RFC4: variants seen among roughly 807,000 people sequenced by gnomAD.
RFC4 encodes the protein A1 37 kDa subunit.
Under a neutral mutation model 47.6 loss-of-function variants are expected in RFC4, and 38 were observed. That is an observed-to-expected ratio of 0.80 (90% CI 0.62 to 1.05). The LOEUF is 1.05. RFC4 is among the 50% of genes least tolerant of loss of function. The pLI is 0.00. For synonymous variants in RFC4, 164 were observed against 150.0 expected, an observed-to-expected ratio of 1.09 and a Z score of -0.68; for missense variants, 489 against 434.0, an observed-to-expected ratio of 1.13 and a Z score of -1.13.
chr3:186,804,769 T>A, intron 1 of RFC4, 45 bp from the exon 2 acceptor site: 1 of 1,577,600 alleles, frequency 6.3e-7, no homozygotes. Flanking sequence ...ATTGAAACTT[T>A]TATTGCGAAT....
chr3:186,790,552 G>A, intron 8 of RFC4, 146 bp from the exon 9 acceptor site: 1 of 667,510 alleles, frequency 1.5e-6, no homozygotes, highest in Non-Finnish European at 2.7e-6. Flanking sequence ...AACGGAAAGG[G>A]CCAGAGTAAC....
chr3:186,801,915 C>T (rs1278455764), intron 2 of RFC4, among the ~76,000 whole-genome samples: 1 of 144,440 alleles, frequency 6.9e-6, no homozygotes, highest in Non-Finnish European at 1.5e-5. Flanking sequence ...GCCAGCTACT[C>T]GGGAGGCTGA....
At chr3:186,798,818 G>T (rs973848690) in intron 3 of RFC4, among the ~76,000 whole-genome samples, 1 of 152,038 alleles carries the variant, frequency 6.6e-6, no homozygotes, top group African/African-American at 2.4e-5. Context: ...TTGGTTTATT[G>T]TTATTTCACT....
rs185929054 is a variant in RFC4 at position 186,801,700 on chromosome 3, G to A, written c.132-505C>T. On this transcript the variant is annotated intron_variant, in intron 2 of 10. Transcript: ENST00000296273. ...CACTCCAGCCTGGGTGACAGAGGGA[G>A]ACTCTGTCTCAAAAAAAAAAAAAAA... is the stretch of plus-strand genomic sequence containing the variant. 3.5e-3 allele frequency among the ~76,000 whole-genome samples: 415 copies of A among 118,820 alleles called. 3 individuals carry two copies. The highest frequency in any genetic ancestry group is 0.013 in the African/African-American group (398 of 30,224). The allele number at this position is 118,820 out of a possible 152,430, so 78.0% of individuals were successfully genotyped here.
At position 186,796,062 on chromosome 3, in the gene RFC4, T is replaced by TA. The variant is rs1722238997; in HGVS notation, c.291-1286dup. 1.3e-5 allele frequency among the ~76,000 whole-genome samples: 2 copies of TA among 151,506 alleles called. No individual in the cohort carries two copies. The highest frequency in any genetic ancestry group is 2.9e-5 in the Non-Finnish European group (2 of 67,868). ...ACACACACACACACACACATTTAAA[T>TA]AAAAAACAAGAGTTGTGATTTAGTT... On this transcript the variant is annotated intron_variant, in intron 4 of 10. Transcript: ENST00000296273. This position sits in a 1 kb window ranked among gnomAD's most constrained non-coding sequence, Gnocchi z 4.2.
chr3:186,804,938 A>C (rs1722444778), intron 1 of RFC4: 3 of 400,468 alleles, frequency 7.5e-6, no homozygotes, highest in Non-Finnish European at 1.3e-5. Flanking sequence ...ACAAGAACAG[A>C]AAAGTGGTCA....
At chr3:186,805,221 T>TTTG (rs920636406) in intron 1 of RFC4, among the ~76,000 whole-genome samples, 1 of 152,062 alleles carries the variant, frequency 6.6e-6, no homozygotes, top group Admixed American at 6.6e-5. Flanking sequence ...AAGACCTTTT[T>TTTG]TTGTTGTTGT....
In RFC4 at chr3:186,793,061, G is replaced by T; in HGVS notation, c.411-114C>A. 3 of 879,970 alleles carry T rather than the reference G, an allele frequency of 3.4e-6. No homozygotes were observed. The highest frequency in any genetic ancestry group is 5.0e-6 in the Non-Finnish European group (3 of 598,678). The allele number at this position is 879,970 out of a possible 1,614,324, so 54.5% of individuals were successfully genotyped here. On this transcript the variant is annotated intron_variant, in intron 5 of 10. Coordinates refer to ENST00000296273, the MANE Select transcript of RFC4 (RefSeq NM_002916.5). This position sits in a 1 kb window ranked among gnomAD's most constrained non-coding sequence, Gnocchi z 4.2. ...ACCCATTTAAAATGTACAATTCAGT[G>T]TTTTTCTGTATGTTCACAAAGTTGT...
chr3:186,800,504 G>T (rs1376106364), intron 3 of RFC4, among the ~76,000 whole-genome samples: 1 of 152,166 alleles, frequency 6.6e-6, no homozygotes, highest in Non-Finnish European at 1.5e-5. Context: ...AGCTGTTAAA[G>T]CACTTTGGGC....
At chr3:186,804,266 G>C (rs981138574) in intron 2 of RFC4, among the ~76,000 whole-genome samples, 2 of 152,106 alleles carry the variant, frequency 1.3e-5, no homozygotes, top group Admixed American at 6.6e-5. Flanking sequence ...GATTTAAGTA[G>C]AACTCCTGAC....
chr3:186,800,678 G>C (rs534038311), intron 3 of RFC4, among the ~76,000 whole-genome samples: 10 of 152,162 alleles, frequency 6.6e-5, no homozygotes, highest in African/African-American at 2.2e-4. Context: ...TTGTATTATA[G>C]GTCAATCCAA....
At chr3:186,794,969 A>C (rs1190551966) in intron 4 of RFC4, 192 bp from the exon 5 acceptor site, 1 of 584,532 alleles carries the variant, frequency 1.7e-6, no homozygotes, top group East Asian at 3.0e-5. Context: ...CATGCATTTA[A>C]AAAAATGTAG....
At chr3:186,801,755 G>A (rs1173480017) in intron 2 of RFC4, among the ~76,000 whole-genome samples, 3 of 149,338 alleles carry the variant, frequency 2.0e-5, no homozygotes, top group Non-Finnish European at 4.4e-5. Context: ...GGCTGGGTGC[G>A]ATGGCTCACA....
At chr3:186,792,428 C>G in intron 7 of RFC4, 62 bp downstream of exon 7, 1 of 1,458,360 alleles carries the variant, frequency 6.9e-7, no homozygotes, top group African/African-American at 1.4e-5. Flanking sequence ...CTTTCAGGGC[C>G]TCTTTATATG....
chr3:186,796,129 T>C lies in RFC4; in HGVS notation c.291-1352A>G, dbSNP rs1022931013. Among the ~76,000 whole-genome samples, 9 of 152,138 alleles carry C rather than the reference T, an allele frequency of 5.9e-5. No individual in the cohort carries two copies. Among genetic ancestry groups the C allele is most frequent in the Non-Finnish European group, 1.3e-4 (9 of 68,022 alleles). On this transcript the variant is annotated intron_variant, in intron 4 of 10. Coordinates refer to ENST00000296273, the MANE Select transcript of RFC4 (RefSeq NM_002916.5). The surrounding 1 kb of genome is among the most constrained non-coding windows in gnomAD (Gnocchi z 4.2). ...TAATCAGCATGGTATCCTAAGCATG[T>C]TTATGGACATAAACATTTACATGCA...
chr3:186,791,490 ACT>A, intron 8 of RFC4: 1 of 494,448 alleles, frequency 2.0e-6, no homozygotes, highest in Admixed American at 3.2e-5. Context: ...AAACAAAAAA[ACT>A]AACAACTGAA....
At chr3:186,797,926 T>C (rs1722275454) in intron 3 of RFC4, among the ~76,000 whole-genome samples, 1 of 152,170 alleles carries the variant, frequency 6.6e-6, no homozygotes, top group Non-Finnish European at 1.5e-5. Flanking sequence ...CTTTTATTTC[T>C]AAAGGGAATC....
chr3:186,804,581 A>G lies in RFC4; in HGVS notation c.131+2T>C. 1 of 1,613,428 alleles carries G rather than the reference A, an allele frequency of 6.2e-7. No homozygotes were observed. The highest frequency in any genetic ancestry group is 1.1e-5 in the South Asian group (1 of 91,054). On this transcript the variant is annotated splice_donor_variant, in intron 2 of 10. Transcript: ENST00000296273. LOFTEE classifies it high-confidence loss of function. The stretch of plus-strand genomic sequence containing the variant: ...TTTTAACAAAGACACAAGTGTTCTT[A>G]CTATTTTTCCACCCAGGGAACGGGT...
At chr3:186,804,196 A>T (rs1013864755) in intron 2 of RFC4, among the ~76,000 whole-genome samples, 8 of 152,140 alleles carry the variant, frequency 5.3e-5, no homozygotes, top group African/African-American at 1.9e-4. Flanking sequence ...AATAGTAATA[A>T]TAATAATAAT....
Sources: gnomAD v4.1 joint callset for allele counts (sites outside exome capture counted in the v4.1 genomes callset) on GRCh38, gnomAD v4.1.1 for gene constraint, Gnocchi (gnomAD v3.1) non-coding constraint, MANE v1.5 for transcripts, NCBI Gene and HGNC (gene_info 2026-07-23, HGNC 2026-07-21) for gene names.